The following AKAP7 variants were observed in gnomAD, a reference collection of about 807,000 sequenced individuals.
AKAP7 encodes A kinase (PRKA) anchor protein 7.
Under a neutral mutation model 39.5 loss-of-function variants are expected in AKAP7, and 39 were observed. That is an observed-to-expected ratio of 0.99 (90% CI 0.76 to 1.29). AKAP7 has a LOEUF of 1.29. AKAP7 is among the 50% of genes most tolerant of loss of function. The pLI is 0.00. For missense variants in AKAP7, 414 were observed against 407.7 expected, an observed-to-expected ratio of 1.02 and a Z score of -0.13; for synonymous variants, 140 against 139.1, an observed-to-expected ratio of 1.01 and a Z score of -0.05.
chr6:131,203,404 T>C (rs1435877496), intron 6 of AKAP7, among the ~76,000 whole-genome samples: 1 of 152,212 alleles, frequency 6.6e-6, no homozygotes, highest in East Asian at 1.9e-4. Flanking sequence ...TTCCATGTTA[T>C]TTAGATTGAT....
At chr6:131,231,088 C>A (rs1585136885) in intron 7 of AKAP7, among the ~76,000 whole-genome samples, 1 of 152,132 alleles carries the variant, frequency 6.6e-6, no homozygotes, top group Admixed American at 6.5e-5. Context: ...TAATTTTGAT[C>A]AGTATTTTCA....
chr6:131,197,053 T>G (rs1019260307), intron 5 of AKAP7, among the ~76,000 whole-genome samples: 1 of 152,102 alleles, frequency 6.6e-6, no homozygotes, highest in Non-Finnish European at 1.5e-5. Flanking sequence ...AGATCATCTA[T>G]TTTCTTTCTC....
intron 2 of AKAP7, among the ~76,000 whole-genome samples, chr6:131,148,991 T>C (rs1801698411): frequency 6.6e-6 from 1 of 152,198 alleles, no homozygotes; most frequent in South Asian, 2.1e-4. Flanking sequence ...TTCTTGCTAA[T>C]AGACACCCTG....
chr6:131,210,910 A>G (rs1230972147), intron 6 of AKAP7, among the ~76,000 whole-genome samples: 1 of 152,152 alleles, frequency 6.6e-6, no homozygotes, highest in African/African-American at 2.4e-5. Flanking sequence ...CAATCAGAAA[A>G]TGGTAAACTT....
At chr6:131,241,431 C>T (rs1408930307) in intron 7 of AKAP7, among the ~76,000 whole-genome samples, 1 of 151,766 alleles carries the variant, frequency 6.6e-6, no homozygotes, top group Non-Finnish European at 1.5e-5. Context: ...ACAGTGGTGC[C>T]CTACACCAAT....
At chr6:131,147,324 C>G (rs888387708) in intron 2 of AKAP7, among the ~76,000 whole-genome samples, 2 of 152,218 alleles carry the variant, frequency 1.3e-5, no homozygotes, top group Non-Finnish European at 2.9e-5. Context: ...GTGAACCTGA[C>G]TTGTATTTTG....
chr6:131,177,995 T>G (rs1465552775), intron 5 of AKAP7, among the ~76,000 whole-genome samples: 3 of 152,220 alleles, frequency 2.0e-5, no homozygotes, highest in African/African-American at 7.2e-5. Context: ...TGTTGCTTTG[T>G]CCCTGTTATA....
At chr6:131,144,030 T>C (rs1254495891) in intron 1 of AKAP7, among the ~76,000 whole-genome samples, 9 of 138,160 alleles carry the variant, frequency 6.5e-5, no homozygotes, top group Admixed American at 1.5e-4. Context: ...TTAATCCATT[T>C]AACCCTGAGT....
At chr6:131,193,156 A>C (rs915768073) in intron 5 of AKAP7, among the ~76,000 whole-genome samples, 1 of 152,090 alleles carries the variant, frequency 6.6e-6, no homozygotes, top group African/African-American at 2.4e-5. Context: ...GTTATGTTCC[A>C]GATGTTAAGA....
chr6:131,157,018 G>T (rs890434711), intron 2 of AKAP7, among the ~76,000 whole-genome samples: 9 of 151,926 alleles, frequency 5.9e-5, no homozygotes, highest in African/African-American at 2.2e-4. Context: ...CTCGTGATCC[G>T]CCCGCCTCAG....
intron 7 of AKAP7, among the ~76,000 whole-genome samples, chr6:131,248,752 T>C (rs1812228387): frequency 6.6e-6 from 1 of 152,242 alleles, no homozygotes; most frequent in African/African-American, 2.4e-5. Context: ...TACAGGCCAT[T>C]TATTTGCTTT....
At chr6:131,222,895 A>G (rs1360887843) in intron 7 of AKAP7, among the ~76,000 whole-genome samples, 2 of 152,164 alleles carry the variant, frequency 1.3e-5, no homozygotes. Flanking sequence ...GATGCAGCAA[A>G]CTTCATTATT....
intron 3 of AKAP7, among the ~76,000 whole-genome samples, chr6:131,160,428 G>A (rs560930650): frequency 6.6e-6 from 1 of 152,336 alleles, no homozygotes; most frequent in East Asian, 1.9e-4. Flanking sequence ...ACCCAGGCTG[G>A]AGTGCAGTGG....
chr6:131,245,192 A>C (rs1433800573), intron 7 of AKAP7, among the ~76,000 whole-genome samples: 1 of 152,076 alleles, frequency 6.6e-6, no homozygotes, highest in Non-Finnish European at 1.5e-5. Context: ...AACAATAAAG[A>C]AGCATCTTTT....
At chr6:131,228,735 G>T (rs188519340) in intron 7 of AKAP7, among the ~76,000 whole-genome samples, 1 of 151,854 alleles carries the variant, frequency 6.6e-6, no homozygotes, top group Non-Finnish European at 1.5e-5. Context: ...ACTTTTAGGG[G>T]GTCAGCGAGG....
At chr6:131,234,869 A>G (rs2128308215) in intron 7 of AKAP7, among the ~76,000 whole-genome samples, 1 of 151,774 alleles carries the variant, frequency 6.6e-6, no homozygotes, top group African/African-American at 2.4e-5. Flanking sequence ...TATTTGTCTA[A>G]TGATCAGTGA....
chr6:131,193,464 G>T (rs1038384540), intron 5 of AKAP7, among the ~76,000 whole-genome samples: 2 of 151,612 alleles, frequency 1.3e-5, no homozygotes, highest in African/African-American at 4.8e-5. Context: ...GTGTATTGTT[G>T]AATTCAGTGA....
intron 1 of AKAP7, 50 bp from the exon 2 acceptor site, chr6:131,145,235 A>T: frequency 8.1e-7 from 1 of 1,238,516 alleles, no homozygotes; most frequent in South Asian, 2.4e-5. Flanking sequence ...ATATGTTTAA[A>T]TAATGACAAG....
At chr6:131,159,943 A>G (rs1802791977) in intron 2 of AKAP7, 116 bp from the exon 3 acceptor site, 2 of 988,322 alleles carry the variant, frequency 2.0e-6, no homozygotes, top group East Asian at 2.7e-5. Flanking sequence ...CTCCTGCTTT[A>G]GATTTGAAAA....
Sources: gnomAD v4.1 joint callset for allele counts (sites outside exome capture counted in the v4.1 genomes callset) on GRCh38, gnomAD v4.1.1 for gene constraint, MANE v1.5 for transcripts, NCBI Gene and HGNC (gene_info 2026-07-23, HGNC 2026-07-21) for gene names.